Variants in PTPN13 observed in about 807,000 individuals in gnomAD.
PTPN13 encodes the protein tyrosine-protein phosphatase non-receptor type 13.
A neutral mutation model predicts 284.0 loss-of-function variants in PTPN13; 191 were observed. The ratio of observed to expected loss-of-function variants is 0.67; its 90% CI spans 0.60 to 0.76. The LOEUF is 0.76. PTPN13 is among the 30% of genes least tolerant of loss of function. The probability of loss-of-function intolerance (pLI) is 0.00; values close to 1 mark genes in which losing one functional copy is unlikely to be tolerated. For synonymous variants in PTPN13, 986 were observed against 1,022.3 expected, an observed-to-expected ratio of 0.96 and a Z score of 0.68; for missense variants, 2,797 against 2,939.9, an observed-to-expected ratio of 0.95 and a Z score of 1.12.
chr4:86,682,141 AATGT>A (rs1728963178), intron 3 of PTPN13, among the ~76,000 whole-genome samples: 1 of 152,152 alleles, frequency 6.6e-6, no homozygotes, highest in Non-Finnish European at 1.5e-5. Context: ...TTTCAGAAAA[AATGT>A]TGACTAAATG....
At chr4:86,636,868 CA>C (rs1723080998) in intron 2 of PTPN13, among the ~76,000 whole-genome samples, 1 of 151,876 alleles carries the variant, frequency 6.6e-6, no homozygotes, top group Non-Finnish European at 1.5e-5. Flanking sequence ...AAAAACCCTT[CA>C]AAAAATTAAT....
At position 86,762,841 on chromosome 4, in the gene PTPN13, G is replaced by A. The variant is rs1242903539; in HGVS notation, c.3668G>A (p.Gly1223Asp). 1 of 1,613,904 alleles carries A rather than the reference G, an allele frequency of 6.2e-7. No individual in the cohort carries two copies. The highest frequency in any genetic ancestry group is 8.5e-7 in the Non-Finnish European group (1 of 1,179,860). Residue 1223 changes from glycine (G) to aspartate (D), a missense_variant, in exon 24 of 48, where the codon GGT (glycine) becomes GAT (aspartate). Gly to Asp is a moderately conservative substitution (Grantham distance 94). Transcript: ENST00000411767. ...TCCAAGGATCACCACTGGTCACGTG[G>A]TACCCTGAGGCACATCTCGGAGAAC... ...SSSKDHHWSR[G>D]TLRHISENSF... is the part of the protein sequence containing the mutation.
chr4:86,632,456 C>T (rs1474082688), intron 1 of PTPN13, among the ~76,000 whole-genome samples: 3 of 152,036 alleles, frequency 2.0e-5, no homozygotes, highest in African/African-American at 7.2e-5. Context: ...AAGGCTGGCC[C>T]TTTTTCTTCG....
At chr4:86,644,779 A>G (rs1356112376) in intron 2 of PTPN13, among the ~76,000 whole-genome samples, 1 of 152,244 alleles carries the variant, frequency 6.6e-6, no homozygotes, top group African/African-American at 2.4e-5. Flanking sequence ...CTAGGAATGC[A>G]AGATTAGTTG....
chr4:86,617,500 G>A (rs1720693625), intron 1 of PTPN13, among the ~76,000 whole-genome samples: 1 of 152,128 alleles, frequency 6.6e-6, no homozygotes, highest in Non-Finnish European at 1.5e-5. Flanking sequence ...ATGTACACAT[G>A]TACCATGTTG....
At chr4:86,801,692 G>A (rs1004863851) in intron 42 of PTPN13, among the ~76,000 whole-genome samples, 1 of 152,118 alleles carries the variant, frequency 6.6e-6, no homozygotes, top group Non-Finnish European at 1.5e-5. Context: ...TTAGTTATGA[G>A]TTGGTTATTC....
At chr4:86,643,135 G>A (rs1565215098) in intron 2 of PTPN13, among the ~76,000 whole-genome samples, 1 of 152,108 alleles carries the variant, frequency 6.6e-6, no homozygotes, top group Non-Finnish European at 1.5e-5. Flanking sequence ...GTCACTTCTG[G>A]TTCCCTGTCT....
At chr4:86,787,592 CAAA>C (rs71657586) in intron 40 of PTPN13, among the ~76,000 whole-genome samples, 2 of 130,732 alleles carry the variant, frequency 1.5e-5, no homozygotes, top group Middle Eastern at 4.2e-3. Flanking sequence ...GATTCTGTCT[CAAA>C]AAAAAAAAAA....
At chr4:86,677,374 G>A (rs866392982) in intron 3 of PTPN13, among the ~76,000 whole-genome samples, 17 of 150,238 alleles carry the variant, frequency 1.1e-4, no homozygotes, top group Admixed American at 3.3e-4. Flanking sequence ...GAGTGCAGTG[G>A]CACGATCTCA....
chr4:86,697,390 T>C (rs1404655117), intron 6 of PTPN13, among the ~76,000 whole-genome samples: 1 of 152,082 alleles, frequency 6.6e-6, no homozygotes, highest in Non-Finnish European at 1.5e-5. Flanking sequence ...TTATACCTAG[T>C]GATTTAATTG....
intron 23 of PTPN13, among the ~76,000 whole-genome samples, chr4:86,761,412 C>T (rs1200304970): frequency 6.6e-6 from 1 of 151,796 alleles, no homozygotes; most frequent in Non-Finnish European, 1.5e-5. Context: ...TTTAATACAC[C>T]ATTGAAAATG....
chr4:86,731,705 G>A (rs1303391911), intron 10 of PTPN13, among the ~76,000 whole-genome samples: 1 of 152,142 alleles, frequency 6.6e-6, no homozygotes, highest in African/African-American at 2.4e-5. Flanking sequence ...GTGTAGTGGT[G>A]TGATTATAGC....
chr4:86,633,906 A>G (rs1254686224), intron 1 of PTPN13, among the ~76,000 whole-genome samples: 2 of 152,218 alleles, frequency 1.3e-5, no homozygotes, highest in Non-Finnish European at 2.9e-5. Flanking sequence ...TGTACAACCT[A>G]AGTAAAAACG....
At chr4:86,694,091 A>G (rs1730332256) in intron 6 of PTPN13, among the ~76,000 whole-genome samples, 1 of 151,014 alleles carries the variant, frequency 6.6e-6, no homozygotes, top group South Asian at 2.1e-4. Flanking sequence ...TTTTTATCAT[A>G]TTTCTTTTTT....
At chr4:86,750,383 C>T in intron 17 of PTPN13, 87 bp from the exon 18 acceptor site, 2 of 1,238,668 alleles carry the variant, frequency 1.6e-6, no homozygotes, top group Non-Finnish European at 2.3e-6. Context: ...TGATTAAAAA[C>T]TGCATGCTGC....
At chr4:86,690,723 TTCTG>T (rs1472862539) in intron 5 of PTPN13, among the ~76,000 whole-genome samples, 1 of 151,912 alleles carries the variant, frequency 6.6e-6, no homozygotes, top group Non-Finnish European at 1.5e-5. Flanking sequence ...AGATATTTTT[TTCTG>T]TCTTTGAATG....
chr4:86,664,580 T>C (rs1382145385), intron 2 of PTPN13, among the ~76,000 whole-genome samples: 2 of 152,202 alleles, frequency 1.3e-5, no homozygotes, highest in East Asian at 3.8e-4. Flanking sequence ...TTTAGAGAAA[T>C]TATAGTTTGT....
At chr4:86,640,008 A>C (rs144186519) in intron 2 of PTPN13, among the ~76,000 whole-genome samples, 4 of 152,302 alleles carry the variant, frequency 2.6e-5, no homozygotes, top group African/African-American at 9.6e-5. Flanking sequence ...ACCTTCTGGA[A>C]AGATGTAGGG....
rs767972308 is a variant in PTPN13 at position 86,809,841 on chromosome 4, G to A, written c.7156G>A (p.Asp2386Asn). Residue 2386 changes from aspartate to asparagine, a missense_variant, in exon 46 of 48, where the codon GAT (aspartate) becomes AAT (asparagine). Transcript: ENST00000411767. ...WPDHDTPSQP[D>N]DLLTFISYMR... ...AGACCATGATACACCTTCTCAACCA[G>A]ATGATCTGCTTACTTTTATCTCCTA... 2 of 1,613,902 alleles carry A rather than the reference G, an allele frequency of 1.2e-6. No individual in the cohort carries two copies. Among genetic ancestry groups the A allele is most frequent in the Non-Finnish European group, 8.5e-7 (1 of 1,179,918 alleles).
Sources: allele counts gnomAD v4.1 joint callset (sites outside exome capture counted in the v4.1 genomes callset), GRCh38; gene constraint gnomAD v4.1.1; transcripts MANE v1.5; gene names NCBI Gene and HGNC (gene_info 2026-07-23, HGNC 2026-07-21).